Variants in KIDINS220 observed in about 807,000 individuals in gnomAD.
The protein encoded by KIDINS220 is kinase D interacting substrate 220.
A neutral mutation model predicts 157.6 loss-of-function variants in KIDINS220; 63 were observed. The observed-to-expected ratio is 0.40, with a 90% CI of 0.33 to 0.49. The LOEUF is 0.49. KIDINS220 is among the 20% of genes least tolerant of loss of function. KIDINS220 has a pLI of 0.66. For missense variants in KIDINS220, 1,772 were observed against 2,171.2 expected (o/e 0.82, Z 3.65); for synonymous variants, 732 against 783.6 (o/e 0.93, Z 1.10).
At chr2:8,744,438 ATATATATG>A (rs1666262192) in intron 26 of KIDINS220, among the ~76,000 whole-genome samples, 1 of 103,968 alleles carries the variant, frequency 9.6e-6, no homozygotes, top group East Asian at 3.0e-4. Flanking sequence ...ATATATATAT[ATATATATG>A]GGATCATCTC....
intron 5 of KIDINS220, 152 bp downstream of exon 5, chr2:8,813,085 T>A: frequency 1.9e-6 from 1 of 517,056 alleles, no homozygotes; most frequent in South Asian, 3.6e-5. Context: ...AAAAAAATTA[T>A]CATTACTGTG....
At chr2:8,779,960 AAG>A in intron 17 of KIDINS220, 146 bp from the exon 18 acceptor site, 1 of 755,736 alleles carries the variant, frequency 1.3e-6, no homozygotes, top group Non-Finnish European at 2.1e-6. Context: ...CACTTAAAAT[AAG>A]AGCGAGTGCT....
intron 15 of KIDINS220, among the ~76,000 whole-genome samples, chr2:8,787,124 C>T (rs930311317): frequency 3.3e-5 from 5 of 151,832 alleles, no homozygotes; most frequent in Non-Finnish European, 5.9e-5. Context: ...AATACCACCT[C>T]ATTAATTTAG....
At chr2:8,809,709 T>C (rs564505791) in intron 6 of KIDINS220, among the ~76,000 whole-genome samples, 6 of 151,818 alleles carry the variant, frequency 4.0e-5, no homozygotes, top group Admixed American at 6.6e-5. Flanking sequence ...AAGGCCAACA[T>C]GTCTAAAACA....
In KIDINS220 at chr2:8,825,189, T is replaced by C. The variant is rs1043414212; in HGVS notation, c.108+1797A>G. ...GAGTTCGAGACCAGCCTGACCAACA[T>C]GGTGAAACCCCATCTCTACTAAAAA... is the stretch of plus-strand genomic sequence containing the variant. On this transcript the variant is annotated intron_variant, in intron 2 of 29. Transcript: ENST00000256707. 4.5e-4 allele frequency among the ~76,000 whole-genome samples: 69 copies of C among 152,046 alleles called. 1 individual carries two copies. Among genetic ancestry groups the C allele is most frequent in the African/African-American group, 1.7e-3 (69 of 41,472 alleles).
chr2:8,734,320 A>C (rs1386347189), intron 28 of KIDINS220, among the ~76,000 whole-genome samples: 1 of 152,188 alleles, frequency 6.6e-6, no homozygotes, highest in Non-Finnish European at 1.5e-5. Flanking sequence ...AAGCCCTATA[A>C]GGATGAATGC....
At chr2:8,836,417 T>C (rs2148472820) in intron 1 of KIDINS220, among the ~76,000 whole-genome samples, 1 of 152,300 alleles carries the variant, frequency 6.6e-6, no homozygotes, top group East Asian at 1.9e-4. Flanking sequence ...ACAAAGGGTG[T>C]AGAACAAGGA....
At chr2:8,722,937 T>A (rs1256669562), downstream of KIDINS220, 1 of 152,204 alleles carries the variant, frequency 6.6e-6, no homozygotes, top group Admixed American at 6.5e-5. Context: ...AAACCACACT[T>A]CTCTAAAACC....
At chr2:8,756,121 C>T (rs1440147073) in intron 22 of KIDINS220, among the ~76,000 whole-genome samples, 1 of 152,132 alleles carries the variant, frequency 6.6e-6, no homozygotes, top group Non-Finnish European at 1.5e-5. Flanking sequence ...GGATGTCTTC[C>T]CACTTATTTA....
intron 22 of KIDINS220, among the ~76,000 whole-genome samples, chr2:8,763,915 T>C (rs1669104956): frequency 6.6e-6 from 1 of 152,036 alleles, no homozygotes; most frequent in Non-Finnish European, 1.5e-5. Flanking sequence ...GGGAAAAGAG[T>C]CATTATATGA....
rs921772369 is a variant in KIDINS220, at chr2:8,785,731, G to A, written c.2229+10C>T. 2.5e-6 allele frequency: 4 copies of A among 1,595,732 alleles called. No individual in the cohort carries two copies. Among genetic ancestry groups the A allele is most frequent in the Non-Finnish European group, 3.4e-6 (4 of 1,173,142 alleles). On this transcript the variant is annotated intron_variant, in intron 17 of 29. Coordinates refer to ENST00000256707, the MANE Select transcript of KIDINS220 (RefSeq NM_020738.4). ...ATTACAATTTTTTCTAATAACCAAT[G>A]AGTGCTTACTTTCATGAATCCTTCA...
intron 22 of KIDINS220, among the ~76,000 whole-genome samples, chr2:8,766,974 G>A (rs1028375721): frequency 6.6e-6 from 1 of 152,130 alleles, no homozygotes; most frequent in Non-Finnish European, 1.5e-5. Context: ...TCTGATTATG[G>A]CTATATTTAT....
chr2:8,808,521 T>C (rs942046123), intron 6 of KIDINS220, among the ~76,000 whole-genome samples: 4 of 152,216 alleles, frequency 2.6e-5, no homozygotes, highest in Non-Finnish European at 5.9e-5. Context: ...AGTCCCACTT[T>C]CAACATTACA....
chr2:8,743,409 C>T (rs1265220969), intron 26 of KIDINS220, among the ~76,000 whole-genome samples: 2 of 152,084 alleles, frequency 1.3e-5, no homozygotes, highest in Non-Finnish European at 2.9e-5. Flanking sequence ...GCAGTAGTAG[C>T]AGTAGTAATA....
chr2:8,768,965 G>A (rs1270562220), intron 22 of KIDINS220, among the ~76,000 whole-genome samples: 1 of 152,042 alleles, frequency 6.6e-6, no homozygotes, highest in Non-Finnish European at 1.5e-5. Context: ...TTTGTAAGTA[G>A]TTGCAGGCAT....
intron 4 of KIDINS220, among the ~76,000 whole-genome samples, chr2:8,813,686 G>A (rs1052618300): frequency 3.9e-5 from 6 of 152,196 alleles, no homozygotes; most frequent in African/African-American, 1.4e-4. Context: ...CACTGTGGGA[G>A]GCCAAGGCAG....
chr2:8,735,131 G>A (rs770880275), intron 27 of KIDINS220, among the ~76,000 whole-genome samples: 9 of 152,192 alleles, frequency 5.9e-5, no homozygotes, highest in Admixed American at 2.6e-4. Flanking sequence ...TCTCATAAGC[G>A]TGTTGGTCAC....
downstream of KIDINS220, chr2:8,722,465 CAGA>C (rs1018521877): frequency 6.6e-6 from 1 of 152,220 alleles, no homozygotes; most frequent in Admixed American, 6.5e-5. Flanking sequence ...GCTTACACCA[CAGA>C]GGGTGTGGAC....
intron 6 of KIDINS220, among the ~76,000 whole-genome samples, chr2:8,806,693 C>A (rs1675503924): frequency 1.3e-5 from 2 of 152,300 alleles, no homozygotes; most frequent in South Asian, 4.1e-4. Flanking sequence ...AATTCTCCTG[C>A]CTCAGCCTCC....
Sources: allele counts gnomAD v4.1 joint callset (sites outside exome capture counted in the v4.1 genomes callset), GRCh38; gene constraint gnomAD v4.1.1; transcripts MANE v1.5; gene names NCBI Gene and HGNC (gene_info 2026-07-23, HGNC 2026-07-21).